ZNF248: variants seen among roughly 807,000 people sequenced by gnomAD.
ZNF248 encodes the protein zinc finger protein 248, also known as KRAB protein domain.
In ZNF248, 20 loss-of-function variants were observed where a neutral mutation model predicts 44.3. The ratio of observed to expected loss-of-function variants is 0.45; its 90% CI spans 0.32 to 0.66. The LOEUF (loss-of-function observed/expected upper bound fraction) is 0.66, where lower values mean the gene tolerates loss of function less well. Ranked by LOEUF, ZNF248 falls within the 30% of genes least tolerant of loss-of-function variation. The probability of loss-of-function intolerance (pLI) is 0.04; values close to 1 mark genes in which losing one functional copy is unlikely to be tolerated. For synonymous variants in ZNF248, 224 were observed against 229.0 expected, an observed-to-expected ratio of 0.98 and a Z score of 0.20; for missense variants, 654 against 677.0, an observed-to-expected ratio of 0.97 and a Z score of 0.38.
At chr10:37,850,475 C>T (rs2060038729) in intron 3 of ZNF248, among the ~76,000 whole-genome samples, 1 of 152,024 alleles carries the variant, frequency 6.6e-6, no homozygotes, top group African/African-American at 2.4e-5. Context: ...GGCATAGGTG[C>T]TAAGAATAGC....
chr10:37,835,424 A>G (rs891585203), intron 5 of ZNF248, among the ~76,000 whole-genome samples: 1 of 152,172 alleles, frequency 6.6e-6, no homozygotes, highest in Non-Finnish European at 1.5e-5. Context: ...GTTTTTGTGT[A>G]GCTCAGATTG....
At chr10:37,827,610 T>G (rs1488774744), downstream of ZNF248, among the ~76,000 whole-genome samples, 2 of 151,782 alleles carry the variant, frequency 1.3e-5, no homozygotes, top group Non-Finnish European at 2.9e-5. Flanking sequence ...AGGGAGGAGG[T>G]TGAGTGTGCA....
In ZNF248 at chr10:37,816,578, C is replaced by T. The variant is rs187030222; in HGVS notation, c.330+16447G>A. On this transcript the variant is annotated intron_variant, in intron 6 of 6. Coordinates refer to the ZNF248 transcript ENST00000615949. ...TTAGTTGTCTCTTTCGTTGGTTCAC[C>T]TCTGGTAAACACGTGGCCTATGTTT... Among the ~76,000 whole-genome samples, 435 of 152,282 alleles carry T rather than the reference C, an allele frequency of 2.9e-3. 2 individuals carry two copies. Among genetic ancestry groups the T allele is most frequent in the African/African-American group, 9.9e-3 (412 of 41,574 alleles).
chr10:37,771,440 C>A, the ZNF248 span, among the ~76,000 whole-genome samples: 1 of 152,032 alleles, frequency 6.6e-6, no homozygotes, highest in Admixed American at 6.6e-5. Context: ...TTCTATGCAG[C>A]CATAAAAAAT....
rs913792068 is a variant in ZNF248 at position 37,830,964 on chromosome 10, G to A, written c.*651C>T. The A allele has an allele frequency of 2.0e-6, 1 of 490,212 alleles. No individual in the cohort carries two copies. The highest frequency in any genetic ancestry group is 2.8e-6 in the Non-Finnish European group (1 of 363,252). 30.4% of individuals were successfully genotyped at this position (490,212 alleles called of 1,614,324 possible). A position where few individuals can be genotyped will look rare whatever the true frequency, so the allele number is the denominator to read the frequency against. ...AAAATTCCTTAAAATTTAACAATCA[G>A]AACTTTTAAGTCAGTATGAGGTTAT... On this transcript the variant is annotated 3_prime_UTR_variant, in exon 6 of 6. Transcript: ENST00000395867.
chr10:37,818,118 G>A (rs2052836127), intron 6 of ZNF248, among the ~76,000 whole-genome samples: 2 of 151,932 alleles, frequency 1.3e-5, no homozygotes, highest in Admixed American at 1.3e-4. Context: ...GGGTTTCACT[G>A]TGTTAGCCAG....
At chr10:37,768,822 T>C in the ZNF248 span, among the ~76,000 whole-genome samples, 98 of 152,232 alleles carry the variant, frequency 6.4e-4, no homozygotes, top group African/African-American at 2.3e-3. Context: ...AAAAAACTAA[T>C]GAATCCAGGA....
chr10:37,834,975 T>TC (rs1292388852), intron 5 of ZNF248, among the ~76,000 whole-genome samples: 1 of 152,052 alleles, frequency 6.6e-6, no homozygotes, highest in African/African-American at 2.4e-5. Flanking sequence ...ACTGAGCAGC[T>TC]CCCTTGCTGC....
At chr10:37,765,464 T>G in the ZNF248 span, among the ~76,000 whole-genome samples, 1 of 152,234 alleles carries the variant, frequency 6.6e-6, no homozygotes, top group Admixed American at 6.5e-5. Context: ...ACACTTTGCA[T>G]GATTCTGATA....
intron 6 of ZNF248, chr10:37,819,185 T>G: frequency 1.3e-6 from 1 of 793,938 alleles, no homozygotes; most frequent in East Asian, 2.4e-5. Flanking sequence ...ATTTAAGTAC[T>G]TTAAAGCATT....
chr10:37,772,433 T>C (rs1312927877), downstream of ZNF248, among the ~76,000 whole-genome samples: 1 of 152,136 alleles, frequency 6.6e-6, no homozygotes, highest in Non-Finnish European at 1.5e-5. Flanking sequence ...AAGTGGGCAG[T>C]GTGCTGATGG....
At chr10:37,837,783 G>T (rs2057516931) in intron 4 of ZNF248, 71 bp from the exon 5 acceptor site, 20 of 1,448,884 alleles carry the variant, frequency 1.4e-5, no homozygotes, top group Admixed American at 2.0e-5. Context: ...ACATCATGGG[G>T]AAGAAAGGCA....
chr10:37,766,914 C>G, the ZNF248 span, among the ~76,000 whole-genome samples: 1 of 152,044 alleles, frequency 6.6e-6, no homozygotes, highest in African/African-American at 2.4e-5. Flanking sequence ...ATAACCAACA[C>G]AGAGAAGTCC....
intron 6 of ZNF248, among the ~76,000 whole-genome samples, chr10:37,809,335 T>C (rs2051132292): frequency 6.6e-6 from 1 of 152,178 alleles, no homozygotes; most frequent in African/African-American, 2.4e-5. Flanking sequence ...TGGAGTGCAG[T>C]GGCATGATCT....
chr10:37,787,017 T>C lies in ZNF248; in HGVS notation c.331-10442A>G, dbSNP rs185474432. ...ACTATAGGCCAGGCACTTTGGCTCA[T>C]GCCTTTAATCCCAGCACTTTGGGAG... On this transcript the variant is annotated intron_variant, in intron 6 of 6. Coordinates refer to the ZNF248 transcript ENST00000615949. Among the ~76,000 whole-genome samples the C allele has an allele frequency of 3.7e-3, 561 of 152,280 alleles. 3 individuals are homozygous for C. The highest frequency in any genetic ancestry group is 0.027 in the Middle Eastern group (8 of 294).
intron 6 of ZNF248, among the ~76,000 whole-genome samples, chr10:37,796,461 C>A (rs931426280): frequency 6.6e-6 from 1 of 151,948 alleles, no homozygotes; most frequent in African/African-American, 2.4e-5. Context: ...TCAAGTGATC[C>A]ACCCACCTCA....
At chr10:37,805,419 A>G (rs1365511384) in intron 6 of ZNF248, among the ~76,000 whole-genome samples, 1 of 152,228 alleles carries the variant, frequency 6.6e-6, no homozygotes, top group Non-Finnish European at 1.5e-5. Flanking sequence ...TCAGAAATAT[A>G]TGATATATAC....
intron 3 of ZNF248, among the ~76,000 whole-genome samples, chr10:37,844,915 C>T (rs1199819068): frequency 2.6e-5 from 2 of 78,186 alleles, no homozygotes; most frequent in Admixed American, 2.8e-4. Context: ...TTTCCCTTCC[C>T]TTCCCTCTCC....
chr10:37,763,708 G>C, the ZNF248 span, among the ~76,000 whole-genome samples: 1 of 152,206 alleles, frequency 6.6e-6, no homozygotes, highest in Non-Finnish European at 1.5e-5. Flanking sequence ...CAGGAAGTCA[G>C]GGACCCTGAA....
Sources: allele counts gnomAD v4.1 joint callset (sites outside exome capture counted in the v4.1 genomes callset), GRCh38; gene constraint gnomAD v4.1.1; transcripts MANE v1.5; gene names NCBI Gene and HGNC (gene_info 2026-07-23, HGNC 2026-07-21).